Variants in SPOCK3 observed in about 807,000 individuals in gnomAD.
The protein encoded by SPOCK3 is SPARC (osteonectin), cwcv and kazal like domains proteoglycan 3.
In SPOCK3, 30 loss-of-function variants were observed where a neutral mutation model predicts 56.6. The ratio of observed to expected loss-of-function variants is 0.53; its 90% CI spans 0.40 to 0.72. SPOCK3 has a LOEUF of 0.72. SPOCK3 is among the 30% of genes least tolerant of loss of function. The pLI is 0.00. For synonymous variants in SPOCK3, 196 were observed against 183.3 expected, an observed-to-expected ratio of 1.07 and a Z score of -0.56; for missense variants, 527 against 530.0, an observed-to-expected ratio of 0.99 and a Z score of 0.06.
At chr4:167,005,549 C>G (rs1044721329) in intron 3 of SPOCK3, among the ~76,000 whole-genome samples, 4 of 151,414 alleles carry the variant, frequency 2.6e-5, no homozygotes, top group African/African-American at 9.7e-5. Flanking sequence ...AACTTCTTGC[C>G]CATCGCCTTA....
At chr4:166,742,567 A>G (rs915076991) in intron 8 of SPOCK3, among the ~76,000 whole-genome samples, 5 of 152,170 alleles carry the variant, frequency 3.3e-5, no homozygotes, top group Admixed American at 3.3e-4. Flanking sequence ...AATCTAGGAA[A>G]AAGTTAATGC....
intron 6 of SPOCK3, among the ~76,000 whole-genome samples, chr4:166,802,302 G>A (rs545825012): frequency 1.3e-5 from 2 of 152,214 alleles, no homozygotes; most frequent in East Asian, 3.9e-4. Context: ...GAAGGGACAA[G>A]AATAGCATGA....
intron 4 of SPOCK3, among the ~76,000 whole-genome samples, chr4:166,942,523 G>A (rs1436013328): frequency 2.7e-5 from 4 of 146,272 alleles, no homozygotes; most frequent in Admixed American, 6.8e-5. Flanking sequence ...TTAAAGCAAA[G>A]GCGACATGAA....
chr4:167,052,362 G>A (rs184865398), intron 3 of SPOCK3, among the ~76,000 whole-genome samples: 1 of 152,192 alleles, frequency 6.6e-6, no homozygotes, highest in African/African-American at 2.4e-5. Flanking sequence ...GGATACAAAG[G>A]ACTTCTATGA....
intron 2 of SPOCK3, among the ~76,000 whole-genome samples, chr4:167,109,825 A>G (rs1413802570): frequency 6.6e-6 from 1 of 151,706 alleles, no homozygotes; most frequent in African/African-American, 2.4e-5. Flanking sequence ...TTCAGAAAAA[A>G]GAAAATAAAC....
rs530835670 is a variant in SPOCK3 at position 167,162,409 on chromosome 4, C to T, written c.189+71576G>A. Among the ~76,000 whole-genome samples the T allele has an allele frequency of 2.0e-5, 3 of 152,246 alleles. No individual in the cohort carries two copies. The East Asian group carries it at 5.8e-4, about 29-fold the overall frequency. On this transcript the variant is annotated intron_variant, in intron 2 of 10. Transcript: ENST00000357545. ...ATTATCTCATTTAACACTTGAACAA[C>T]ACTCTTTCAAATCTGTGCTGTCCAA...
intron 4 of SPOCK3, among the ~76,000 whole-genome samples, chr4:166,975,228 G>A (rs868271570): frequency 1.3e-5 from 2 of 152,120 alleles, no homozygotes; most frequent in Admixed American, 1.3e-4. Context: ...GTATCCAGAT[G>A]TATTCAGTTA....
At chr4:166,818,001 AT>A (rs1275006817) in intron 6 of SPOCK3, among the ~76,000 whole-genome samples, 1 of 152,056 alleles carries the variant, frequency 6.6e-6, no homozygotes, top group African/African-American at 2.4e-5. Context: ...TATAATGTTC[AT>A]TTTTTTAAAT....
intron 2 of SPOCK3, among the ~76,000 whole-genome samples, chr4:167,113,352 G>A (rs1010634743): frequency 6.6e-6 from 1 of 150,510 alleles, no homozygotes; most frequent in African/African-American, 2.5e-5. Context: ...CACTTGGCAT[G>A]GCAGGAGGGT....
intron 7 of SPOCK3, among the ~76,000 whole-genome samples, chr4:166,772,567 AAAGT>A (rs76851832): frequency 0.46 from 69,078 of 151,588 alleles, 16,210 homozygotes; most frequent in African/African-American, 0.5. Flanking sequence ...AGAGAGGAAA[AAAGT>A]AAGGGAAAAT....
At chr4:167,013,983 A>G (rs1750348155) in intron 3 of SPOCK3, among the ~76,000 whole-genome samples, 1 of 152,194 alleles carries the variant, frequency 6.6e-6, no homozygotes. Context: ...TGTGTATGTA[A>G]CTTTGAATGA....
chr4:166,753,448 T>C (rs1018430953), intron 8 of SPOCK3, among the ~76,000 whole-genome samples: 1 of 151,988 alleles, frequency 6.6e-6, no homozygotes, highest in African/African-American at 2.4e-5. Context: ...TTTTAAACTT[T>C]GTTTAGAGTG....
intron 6 of SPOCK3, among the ~76,000 whole-genome samples, chr4:166,796,904 G>A (rs1019374468): frequency 1.3e-5 from 2 of 152,132 alleles, no homozygotes; most frequent in African/African-American, 2.4e-5. Flanking sequence ...TGGCTCCAAT[G>A]TGATTATTTT....
At chr4:166,897,619 A>C (rs1735530287) in intron 5 of SPOCK3, among the ~76,000 whole-genome samples, 1 of 152,182 alleles carries the variant, frequency 6.6e-6, no homozygotes, top group Non-Finnish European at 1.5e-5. Flanking sequence ...CTGCCCGTGC[A>C]CTAAGTACAA....
chr4:167,082,434 T>C (rs1046074784), intron 2 of SPOCK3, among the ~76,000 whole-genome samples: 1 of 152,056 alleles, frequency 6.6e-6, no homozygotes, highest in Non-Finnish European at 1.5e-5. Context: ...CATTGTCTGT[T>C]TGTAAATAAA....
chr4:167,152,888 T>C (rs953277148), intron 2 of SPOCK3, among the ~76,000 whole-genome samples: 1 of 152,180 alleles, frequency 6.6e-6, no homozygotes, highest in African/African-American at 2.4e-5. Flanking sequence ...TAAGATGAAA[T>C]GTTTTGTTTG....
chr4:166,770,778 C>A (rs186657729), intron 7 of SPOCK3, among the ~76,000 whole-genome samples: 1 of 152,022 alleles, frequency 6.6e-6, no homozygotes, highest in East Asian at 1.9e-4. Context: ...CTCTAAGAGA[C>A]CCGTTTTAGA....
intron 2 of SPOCK3, among the ~76,000 whole-genome samples, chr4:167,201,197 A>C (rs993538900): frequency 1.3e-5 from 2 of 152,032 alleles, no homozygotes; most frequent in Admixed American, 1.3e-4. Context: ...TAAGAACATA[A>C]AAAATTTGAA....
intron 4 of SPOCK3, among the ~76,000 whole-genome samples, chr4:166,973,059 G>T (rs1002284689): frequency 2.6e-5 from 4 of 152,086 alleles, no homozygotes; most frequent in African/African-American, 9.7e-5. Flanking sequence ...AGATGTTAAG[G>T]AAGGGACTTG....
Sources: gnomAD v4.1 joint callset for allele counts (sites outside exome capture counted in the v4.1 genomes callset) on GRCh38, gnomAD v4.1.1 for gene constraint, MANE v1.5 for transcripts, NCBI Gene and HGNC (gene_info 2026-07-23, HGNC 2026-07-21) for gene names.